RP1: variants seen among roughly 807,000 people sequenced by gnomAD.
RP1 encodes RP1 axonemal microtubule associated.
RP1 carries 16 observed loss-of-function variants against 14.8 expected under a neutral mutation model. That is an observed-to-expected ratio of 1.08 (90% CI 0.73 to 1.65). The LOEUF (loss-of-function observed/expected upper bound fraction) is 1.65, where lower values mean the gene tolerates loss of function less well. Ranked by LOEUF, RP1 falls within the 40% of genes most tolerant of loss-of-function variation. The pLI, the probability that RP1 is intolerant of heterozygous loss-of-function variation, is 0.00. For missense variants in RP1, 2,631 were observed against 2,535.0 expected (o/e 1.04, Z -0.81); for synonymous variants, 876 against 883.6 (o/e 0.99, Z 0.15).
intron 7 of RP1, among the ~76,000 whole-genome samples, chr8:54,670,735 T>C (rs909746181): frequency 7.1e-6 from 1 of 141,464 alleles, no homozygotes; most frequent in Admixed American, 7.2e-5. Flanking sequence ...GAATTAACCA[T>C]ATTATCATTA....
At chr8:54,746,806 AG>A (rs1351297140) in intron 19 of RP1, among the ~76,000 whole-genome samples, 2 of 152,214 alleles carry the variant, frequency 1.3e-5, no homozygotes, top group Non-Finnish European at 2.9e-5. Flanking sequence ...ACTATAAAAT[AG>A]GGCTCAACGG....
rs1209471045 is a variant in RP1 at position 54,628,464 on chromosome 8, A to T, written c.4582A>T (p.Ile1528Phe). 2 of 1,613,502 alleles carry T rather than the reference A, an allele frequency of 1.2e-6. No homozygotes were observed. The highest frequency in any genetic ancestry group is 1.7e-6 in the Non-Finnish European group (2 of 1,179,740). Residue 1528 changes from isoleucine to phenylalanine, a missense_variant, in exon 4 of 4, where the codon ATC becomes TTC. Coordinates refer to ENST00000220676, the MANE Select transcript of RP1 (RefSeq NM_006269.2). ...KRMNGIIYEI[I>F]SKRLATPPSL... ...AATGAACGGTATAATTTATGAAATA[A>T]TCAGTAAGAGGCTGGCAACACCACC...
At chr8:54,667,498 G>T (rs1404999883) in intron 7 of RP1, among the ~76,000 whole-genome samples, 1 of 152,144 alleles carries the variant, frequency 6.6e-6, no homozygotes, top group African/African-American at 2.4e-5. Context: ...ACAAGAAAGA[G>T]ATTGTGGGCT....
chr8:54,674,856 T>G (rs1021015886), intron 8 of RP1, among the ~76,000 whole-genome samples: 6 of 152,340 alleles, frequency 3.9e-5, no homozygotes, highest in African/African-American at 1.4e-4. Context: ...AGATGTAAAT[T>G]ATTTGCATAT....
chr8:54,569,945 C>T (rs139689020), intron 1 of RP1, among the ~76,000 whole-genome samples: 7 of 152,134 alleles, frequency 4.6e-5, no homozygotes, highest in South Asian at 2.1e-4. Flanking sequence ...ACCTGGAGGA[C>T]GAGTGGGAGT....
In RP1 at chr8:54,627,784, A is replaced by G. The variant is rs767656489; in HGVS notation, c.3902A>G (p.Glu1301Gly). 2 of 1,614,082 alleles carry G rather than the reference A, an allele frequency of 1.2e-6. No individual in the cohort carries two copies. Among genetic ancestry groups the G allele is most frequent in the East Asian group, 4.5e-5 (2 of 44,888 alleles). ...ATGAATAAGGCTTGTTTCCTAGGAG[A>G]GGTCTGTTCACTTACTGATACTGTG... ...TSMNKACFLG[E>G]VCSLTDTVFS... Residue 1301 changes from glutamate to glycine, a missense_variant, in exon 4 of 4, where the codon GAG becomes GGG. Glu to Gly is a moderately conservative substitution (Grantham distance 98). Coordinates refer to ENST00000220676, the MANE Select transcript of RP1 (RefSeq NM_006269.2).
chr8:54,634,517 C>A (rs558837446), downstream of RP1, among the ~76,000 whole-genome samples: 1 of 152,128 alleles, frequency 6.6e-6, no homozygotes, highest in East Asian at 1.9e-4. Flanking sequence ...CTTGATAAGG[C>A]ACTTAGTAAT....
intron 24 of RP1, among the ~76,000 whole-genome samples, chr8:54,806,774 T>C (rs1311680480): frequency 6.6e-6 from 1 of 152,226 alleles, no homozygotes. Flanking sequence ...AAATTCTTTG[T>C]TTTTAACAAA....
At position 54,626,361 on chromosome 8, in the gene RP1, G is replaced by T; in HGVS notation, c.2479G>T (p.Glu827Ter). ...KSLFHVFNIL[E>*]QKPKDFYAPQ... ...TTTATTTCATGTATTTAACATCCTT[G>T]AGCAAAAACCCAAAGATTTTTATGC... The change falls in exon 4 of 4, where the codon GAG becomes TAG. Residue 827 changes from glutamate (E) to a stop codon, truncating the protein, a stop_gained. Transcript: ENST00000220676. LOFTEE classifies it low-confidence loss of function (END_TRUNC). 1 of 1,613,372 alleles carries T rather than the reference G, an allele frequency of 6.2e-7. No homozygotes were observed. Among genetic ancestry groups the T allele is most frequent in the South Asian group, 1.1e-5 (1 of 91,050 alleles).
chr8:54,716,187 T>C (rs538245248), intron 15 of RP1, among the ~76,000 whole-genome samples: 2 of 152,314 alleles, frequency 1.3e-5, no homozygotes, highest in East Asian at 1.9e-4. Flanking sequence ...ACAGTTTGGC[T>C]GAAAAGCCCA....
intron 1 of RP1, among the ~76,000 whole-genome samples, chr8:54,574,876 C>T (rs908500860): frequency 3.3e-5 from 5 of 152,116 alleles, no homozygotes; most frequent in Non-Finnish European, 5.9e-5. Flanking sequence ...ATTTTCAGCC[C>T]TCCTTCATGT....
chr8:54,706,868 A>G (rs1051027097), intron 15 of RP1, among the ~76,000 whole-genome samples: 6 of 152,152 alleles, frequency 3.9e-5, no homozygotes, highest in Non-Finnish European at 1.5e-5. Context: ...CTGAAATGTA[A>G]TGTATGTACA....
chr8:54,734,615 A>C (rs1269862220), exon 18 of RP1: 1 of 1,535,804 alleles, frequency 6.5e-7, no homozygotes, highest in Non-Finnish European at 8.7e-7. Context: ...TAGTGCTGAC[A>C]GGAAATACAG....
At chr8:54,589,892 C>T (rs184707938) in intron 1 of RP1, among the ~76,000 whole-genome samples, 144 of 152,290 alleles carry the variant, frequency 9.5e-4, no homozygotes, top group African/African-American at 2.8e-3. Context: ...TCCAACATGG[C>T]GCTAAAATCC....
At chr8:54,694,070 A>T (rs1807792011) in intron 12 of RP1, among the ~76,000 whole-genome samples, 1 of 152,144 alleles carries the variant, frequency 6.6e-6, no homozygotes, top group Non-Finnish European at 1.5e-5. Context: ...GCATTTACTG[A>T]GATAATCATG....
At chr8:54,688,354 C>T (rs188403369) in intron 12 of RP1, among the ~76,000 whole-genome samples, 33 of 152,038 alleles carry the variant, frequency 2.2e-4, no homozygotes, top group South Asian at 4.2e-4. Flanking sequence ...TTGTTGCCAT[C>T]GCTTTTGGTG....
At chr8:54,866,531 T>A (rs549408106) in intron 28 of RP1, among the ~76,000 whole-genome samples, 1 of 152,346 alleles carries the variant, frequency 6.6e-6, no homozygotes, top group South Asian at 2.1e-4. Flanking sequence ...TATAGAGTTA[T>A]AATAAGTAGA....
Position 54,651,089 on chromosome 8 carries a change from C to T in RP1, c.952-1691C>T, listed in dbSNP as rs538206700. Among the ~76,000 whole-genome samples, 10 of 151,832 alleles carry T rather than the reference C, an allele frequency of 6.6e-5. No homozygotes were observed. In the South Asian group the frequency reaches 1.0e-3, roughly 16 times the overall value. ...GTGTTTTTTCCCTCTATTTTATTTACGTGGTATATTAGATTGATATTTGTA... is the reference window on the plus strand; with the variant it reads ...GTGTTTTTTCCCTCTATTTTATTTATGTGGTATATTAGATTGATATTTGTA... On this transcript the variant is annotated intron_variant, in intron 4 of 22. Transcript: ENST00000636932.
intron 26 of RP1, among the ~76,000 whole-genome samples, chr8:54,853,807 A>AAGAAC (rs1248395539): frequency 1.2e-3 from 175 of 149,684 alleles, no homozygotes; most frequent in African/African-American, 4.4e-3. Flanking sequence ...AGAGAAAGAA[A>AAGAAC]GAGAAAGGAA....
Sources: allele counts gnomAD v4.1 joint callset (sites outside exome capture counted in the v4.1 genomes callset), GRCh38; gene constraint gnomAD v4.1.1; transcripts MANE v1.5; gene names NCBI Gene and HGNC (gene_info 2026-07-23, HGNC 2026-07-21).